PDE4D: variants seen among roughly 807,000 people sequenced by gnomAD.
PDE4D encodes phosphodiesterase 4D.
In PDE4D, 24 loss-of-function variants were observed where a neutral mutation model predicts 87.4. The observed-to-expected ratio is 0.27, with a 90% confidence interval of 0.20 to 0.39. The LOEUF is 0.39. Ranked by LOEUF, PDE4D falls within the 10% of genes least tolerant of loss-of-function variation. The pLI, the probability that PDE4D is intolerant of heterozygous loss-of-function variation, is 1.00. For synonymous variants in PDE4D, 384 were observed against 383.2 expected (o/e 1.00, Z -0.02); for missense variants, 714 against 1,041.0 (o/e 0.69, Z 4.32).
intron 2 of PDE4D, among the ~76,000 whole-genome samples, chr5:60,004,979 C>A (rs1011084300): frequency 6.6e-6 from 1 of 152,108 alleles, no homozygotes; most frequent in African/African-American, 2.4e-5. Context: ...ATGAAAGGAG[C>A]ATGCTGAAGA....
chr5:59,283,064 G>A (rs1190693301), intron 1 of PDE4D, among the ~76,000 whole-genome samples: 1 of 151,968 alleles, frequency 6.6e-6, no homozygotes, highest in East Asian at 1.9e-4. Context: ...AACCTTCCCT[G>A]GCTTCAGTTT....
At chr5:59,651,525 G>A (rs1005862643) in intron 1 of PDE4D, among the ~76,000 whole-genome samples, 3 of 151,838 alleles carry the variant, frequency 2.0e-5, no homozygotes, top group Admixed American at 6.6e-5. Context: ...CATAGACAGG[G>A]AAGGTCACAT....
chr5:60,230,588 G>T (rs922983594), intron 1 of PDE4D, among the ~76,000 whole-genome samples: 3 of 152,100 alleles, frequency 2.0e-5, no homozygotes, highest in Non-Finnish European at 4.4e-5. Flanking sequence ...AACTGAGGTT[G>T]ACATAACACT....
At chr5:59,630,676 C>T (rs991272098) in intron 1 of PDE4D, among the ~76,000 whole-genome samples, 6 of 152,238 alleles carry the variant, frequency 3.9e-5, no homozygotes, top group African/African-American at 1.4e-4. Flanking sequence ...TCAAGCAATG[C>T]CATCTGCTTG....
chr5:59,685,034 A>G (rs997947835), intron 1 of PDE4D, among the ~76,000 whole-genome samples: 1 of 152,220 alleles, frequency 6.6e-6, no homozygotes, highest in Non-Finnish European at 1.5e-5. Flanking sequence ...GCTTCTTGCA[A>G]GACTCAGACT....
intron 1 of PDE4D, among the ~76,000 whole-genome samples, chr5:59,302,147 TGCAGCCCCTGACAGATATTA>T (rs1770384447): frequency 1.3e-5 from 2 of 152,062 alleles, no homozygotes; most frequent in South Asian, 4.2e-4. Flanking sequence ...AAACGGCACA[TGCAGCCCCTGACAGATATTA>T]GCAAGTTACT....
chr5:59,200,662 T>TACAGATACAC, intron 2 of PDE4D, among the ~76,000 whole-genome samples: 1 of 75,102 alleles, frequency 1.3e-5, no homozygotes. Context: ...CATACATATG[T>TACAGATACAC]GTATGTATAG....
intron 1 of PDE4D, among the ~76,000 whole-genome samples, chr5:60,368,938 T>C (rs1760784117): frequency 6.6e-6 from 1 of 152,084 alleles, no homozygotes; most frequent in Admixed American, 6.5e-5. Flanking sequence ...AAATACCCTG[T>C]CTCAGGTATG....
At chr5:59,562,780 A>C (rs1007442470) in intron 1 of PDE4D, among the ~76,000 whole-genome samples, 2 of 152,178 alleles carry the variant, frequency 1.3e-5, no homozygotes, top group Non-Finnish European at 2.9e-5. Flanking sequence ...AACAGTGGCC[A>C]AGAAAAGCAT....
At chr5:59,119,406 G>A (rs549186051) in intron 5 of PDE4D, among the ~76,000 whole-genome samples, 21 of 152,268 alleles carry the variant, frequency 1.4e-4, no homozygotes, top group African/African-American at 4.8e-4. Context: ...ACATTTATCT[G>A]GGAAATTGAA....
At chr5:59,143,060 T>G (rs1778135621) in intron 5 of PDE4D, among the ~76,000 whole-genome samples, 1 of 152,202 alleles carries the variant, frequency 6.6e-6, no homozygotes, top group African/African-American at 2.4e-5. Flanking sequence ...TATAGAGGAA[T>G]GAAGTTACTT....
chr5:60,422,301 C>T (rs1349754413), intron 1 of PDE4D, among the ~76,000 whole-genome samples: 2 of 152,174 alleles, frequency 1.3e-5, no homozygotes, highest in South Asian at 2.1e-4. Flanking sequence ...AGAGAAAGGT[C>T]GGGTTGTCCA....
chr5:60,215,292 G>T (rs1267589527), intron 1 of PDE4D, among the ~76,000 whole-genome samples: 1 of 152,070 alleles, frequency 6.6e-6, no homozygotes, highest in Non-Finnish European at 1.5e-5. Context: ...AATCTGATTA[G>T]GCTGAACAGA....
chr5:59,071,211 C>A (rs9292190), intron 5 of PDE4D, among the ~76,000 whole-genome samples: 1 of 152,082 alleles, frequency 6.6e-6, no homozygotes, highest in Non-Finnish European at 1.5e-5. Flanking sequence ...TCCTTCTATA[C>A]GATACGATAA....
chr5:59,490,096 T>G (rs144160652), intron 1 of PDE4D, among the ~76,000 whole-genome samples: 70 of 152,294 alleles, frequency 4.6e-4, no homozygotes, highest in African/African-American at 1.5e-3. Context: ...GACTCTCTCA[T>G]ATGGCTACAA....
intron 1 of PDE4D, among the ~76,000 whole-genome samples, chr5:59,466,302 C>G (rs1801573350): frequency 6.6e-6 from 1 of 152,198 alleles, no homozygotes; most frequent in East Asian, 1.9e-4. Flanking sequence ...TCAGCTCACC[C>G]AATCTGCTAC....
intron 1 of PDE4D, among the ~76,000 whole-genome samples, chr5:60,420,967 C>T (rs995142446): frequency 6.6e-6 from 1 of 152,202 alleles, no homozygotes; most frequent in African/African-American, 2.4e-5. Context: ...TGCGAGGCAG[C>T]AGCCTGGTGG....
chr5:59,703,707 CTTG>C (rs771934997), intron 1 of PDE4D: 7 of 475,796 alleles, frequency 1.5e-5, no homozygotes, highest in South Asian at 1.1e-4. Context: ...CACAGATTGA[CTTG>C]TTGTGGTCTA....
intron 5 of PDE4D, among the ~76,000 whole-genome samples, chr5:59,132,191 G>A (rs900505438): frequency 5.3e-5 from 8 of 152,136 alleles, no homozygotes; most frequent in East Asian, 3.9e-4. Flanking sequence ...CTCCCCCACC[G>A]TTCTTTGGAA....
Sources: gnomAD v4.1 joint callset for allele counts (sites outside exome capture counted in the v4.1 genomes callset) on GRCh38, gnomAD v4.1.1 for gene constraint, MANE v1.5 for transcripts, NCBI Gene and HGNC (gene_info 2026-07-23, HGNC 2026-07-21) for gene names.